Variants in GTF2F2 observed in about 807,000 individuals in gnomAD.
The protein encoded by GTF2F2 is ATP-dependent helicase GTF2F2.
In GTF2F2, 23 loss-of-function variants were observed where a neutral mutation model predicts 42.2. The observed-to-expected ratio is 0.55, with a 90% CI of 0.39 to 0.77. The LOEUF is 0.77. Ranked by LOEUF, GTF2F2 falls within the 30% of genes least tolerant of loss-of-function variation. The pLI is 0.00. For missense variants in GTF2F2, 261 were observed against 287.2 expected, an observed-to-expected ratio of 0.91 and a Z score of 0.66; for synonymous variants, 105 against 100.8, an observed-to-expected ratio of 1.04 and a Z score of -0.25.
chr13:45,207,175 A>T, intron 4 of GTF2F2: 1 of 414,384 alleles, frequency 2.4e-6, no homozygotes, highest in Non-Finnish European at 4.4e-6. Context: ...AGCAGAGTGT[A>T]TAAAAGCTGT....
At chr13:45,278,816 C>T (rs561734852) in intron 7 of GTF2F2, among the ~76,000 whole-genome samples, 11 of 62,306 alleles carry the variant, frequency 1.8e-4, no homozygotes, top group South Asian at 6.3e-4. Flanking sequence ...TTTTCTTTTT[C>T]TTTTTTTTTT....
At chr13:45,180,651 T>A (rs1361471861) in intron 4 of GTF2F2, among the ~76,000 whole-genome samples, 3 of 152,116 alleles carry the variant, frequency 2.0e-5, no homozygotes, top group Non-Finnish European at 4.4e-5. Flanking sequence ...ATGTTTATTA[T>A]ACTTCATGTC....
At chr13:45,123,156 A>G (rs1345786310) in intron 1 of GTF2F2, 1 of 152,066 alleles carries the variant, frequency 6.6e-6, no homozygotes, top group Non-Finnish European at 1.5e-5. Flanking sequence ...TGATTTGGCT[A>G]ATCTGGCTGG....
intron 3 of GTF2F2, among the ~76,000 whole-genome samples, chr13:45,150,606 T>G (rs1325426379): frequency 6.7e-6 from 1 of 149,822 alleles, no homozygotes; most frequent in Non-Finnish European, 1.5e-5. Context: ...TAAAAGATAG[T>G]AAGACATGAT....
chr13:45,212,499 C>CT (rs1555269206), intron 5 of GTF2F2, among the ~76,000 whole-genome samples: 14 of 102,332 alleles, frequency 1.4e-4, no homozygotes, highest in Admixed American at 7.5e-4. Context: ...TTCTTTCTTT[C>CT]TTTCTTTCTT....
intron 7 of GTF2F2, among the ~76,000 whole-genome samples, chr13:45,271,938 T>C (rs1876811698): frequency 6.6e-6 from 1 of 152,124 alleles, no homozygotes; most frequent in Non-Finnish European, 1.5e-5. Context: ...TTTTTAATGT[T>C]TGAAGCTTAT....
chr13:45,248,427 GTTTTTTGT>G (rs1264504885), intron 5 of GTF2F2, among the ~76,000 whole-genome samples: 3 of 151,530 alleles, frequency 2.0e-5, no homozygotes, highest in Non-Finnish European at 4.4e-5. Context: ...GTTTTGTTTT[GTTTTTTGT>G]TTTTTTGTTT....
intron 4 of GTF2F2, chr13:45,193,739 C>A (rs754608643): frequency 6.6e-7 from 1 of 1,520,290 alleles, no homozygotes. Context: ...TGTGGTTTTC[C>A]GAAGCTTGCT....
intron 1 of GTF2F2, among the ~76,000 whole-genome samples, chr13:45,126,096 G>C (rs545633776): frequency 6.6e-6 from 1 of 152,058 alleles, no homozygotes; most frequent in Non-Finnish European, 1.5e-5. Context: ...AGTGCTGAAG[G>C]GGGAATCTGG....
chr13:45,272,501 G>C (rs1377921989), intron 7 of GTF2F2, among the ~76,000 whole-genome samples: 1 of 148,368 alleles, frequency 6.7e-6, no homozygotes, highest in Non-Finnish European at 1.5e-5. Flanking sequence ...CCAGCACTTT[G>C]AGAGGCCAAG....
intron 5 of GTF2F2, among the ~76,000 whole-genome samples, chr13:45,212,459 C>CTTTTCTT (rs55758635): frequency 2.5e-5 from 2 of 79,364 alleles, no homozygotes; most frequent in Non-Finnish European, 5.4e-5. Context: ...TTCTTTCTTT[C>CTTTTCTT]TTTCTTTCTT....
At chr13:45,212,085 C>A (rs1873673433) in intron 5 of GTF2F2, among the ~76,000 whole-genome samples, 1 of 151,976 alleles carries the variant, frequency 6.6e-6, no homozygotes, top group Non-Finnish European at 1.5e-5. Flanking sequence ...CGTGGTAGTG[C>A]TATTGAATGT....
At chr13:45,194,692 C>T (rs2138174104) in intron 4 of GTF2F2, 1 of 854,890 alleles carries the variant, frequency 1.2e-6, no homozygotes, top group East Asian at 2.5e-5. Context: ...CTGGCAGCAT[C>T]GCCTGCGCTG....
chr13:45,238,720 G>A (rs918657694), intron 5 of GTF2F2, among the ~76,000 whole-genome samples: 3 of 152,032 alleles, frequency 2.0e-5, no homozygotes, highest in Non-Finnish European at 4.4e-5. Context: ...CGAGGCAGGC[G>A]GATCACCTGA....
At chr13:45,150,260 T>C (rs1369911902) in intron 3 of GTF2F2, among the ~76,000 whole-genome samples, 1 of 152,198 alleles carries the variant, frequency 6.6e-6, no homozygotes, top group Non-Finnish European at 1.5e-5. Flanking sequence ...TGATGTTCTT[T>C]TGGGGAGATC....
chr13:45,196,662 A>G (rs1872907673), intron 4 of GTF2F2, among the ~76,000 whole-genome samples: 1 of 152,224 alleles, frequency 6.6e-6, no homozygotes, highest in South Asian at 2.1e-4. Context: ...ACTGTAGTAT[A>G]GTGATGGAGA....
At chr13:45,163,569 C>T (rs2147144) in intron 4 of GTF2F2, among the ~76,000 whole-genome samples, 1 of 151,682 alleles carries the variant, frequency 6.6e-6, no homozygotes, top group East Asian at 1.9e-4. Context: ...TACTTAGTCG[C>T]GGTATTAAAA....
chr13:45,219,357 G>A (rs532827949), intron 5 of GTF2F2: 14 of 152,228 alleles, frequency 9.2e-5, no homozygotes, highest in East Asian at 7.7e-4. Flanking sequence ...TGGCTTATTC[G>A]TAGGAAAAGA....
chr13:45,230,631 C>T (rs779149850), intron 5 of GTF2F2, among the ~76,000 whole-genome samples: 3 of 152,136 alleles, frequency 2.0e-5, no homozygotes, highest in Non-Finnish European at 4.4e-5. Flanking sequence ...CTAACTAAAA[C>T]TAGTACTGCT....
Sources: allele counts gnomAD v4.1 joint callset (sites outside exome capture counted in the v4.1 genomes callset), GRCh38; gene constraint gnomAD v4.1.1; transcripts MANE v1.5; gene names NCBI Gene and HGNC (gene_info 2026-07-23, HGNC 2026-07-21).